Variants in ATP6V1C2 observed in about 807,000 individuals in gnomAD.
ATP6V1C2 encodes ATPase H+ transporting V1 subunit C2, also known as V-type proton ATPase subunit C 2.
In ATP6V1C2, 45 loss-of-function variants were observed where a neutral mutation model predicts 56.8. The observed-to-expected ratio is 0.79, with a 90% CI of 0.62 to 1.02. The LOEUF is 1.02. Among genes scored for constraint, ATP6V1C2 ranks in the 50% least tolerant of loss-of-function variants. ATP6V1C2 has a pLI of 0.00. For missense variants in ATP6V1C2, 463 were observed against 519.7 expected (o/e 0.89, Z 1.06); for synonymous variants, 220 against 201.3 (o/e 1.09, Z -0.79).
At chr2:10,732,579 G>A (rs1281774238) in intron 3 of ATP6V1C2, among the ~76,000 whole-genome samples, 1 of 151,742 alleles carries the variant, frequency 6.6e-6, no homozygotes, top group Non-Finnish European at 1.5e-5. Flanking sequence ...TTTCTTTTTT[G>A]TCTGTTTGCT....
At chr2:10,756,666 C>A (rs537332851) in intron 4 of ATP6V1C2, among the ~76,000 whole-genome samples, 1 of 151,924 alleles carries the variant, frequency 6.6e-6, no homozygotes, top group Non-Finnish European at 1.5e-5. Flanking sequence ...TGCAGTGAGC[C>A]GAGATCGCAC....
rs114154176 is a variant in ATP6V1C2 at position 10,736,295 on chromosome 2, C to T, written c.197+9726C>T. 5.4e-3 allele frequency among the ~76,000 whole-genome samples: 829 copies of T among 152,268 alleles called. 8 individuals carry two copies. Among genetic ancestry groups the T allele is most frequent in the African/African-American group, 0.019 (783 of 41,534 alleles). On this transcript the variant is annotated intron_variant, in intron 3 of 13. Coordinates refer to ENST00000272238, the MANE Select transcript of ATP6V1C2 (RefSeq NM_001039362.2). Reference sequence around the variant, plus strand: ...CATTATGACATGTTTGGACCTGGTACGTTTTTAGTAGTTCTTTAATAATAT... The same window carrying T: ...CATTATGACATGTTTGGACCTGGTATGTTTTTAGTAGTTCTTTAATAATAT...
rs992318529 is a variant in ATP6V1C2 at position 10,730,346 on chromosome 2, C to T, written c.197+3777C>T. 4.9e-4 allele frequency among the ~76,000 whole-genome samples: 75 copies of T among 152,018 alleles called. 1 individual carries two copies. The highest frequency in any genetic ancestry group is 6.0e-4 in the Non-Finnish European group (41 of 67,980). ...GGGCAGGCTGGTCTCGAACTCCTAACCTCAAGTGATCTTCCAGCTTCAGCC... is the reference window on the plus strand; with the variant it reads ...GGGCAGGCTGGTCTCGAACTCCTAATCTCAAGTGATCTTCCAGCTTCAGCC... On this transcript the variant is annotated intron_variant, in intron 3 of 13. Transcript: ENST00000272238.
At chr2:10,725,831 GC>G in intron 2 of ATP6V1C2, among the ~76,000 whole-genome samples, 1 of 151,864 alleles carries the variant, frequency 6.6e-6, no homozygotes, top group Non-Finnish European at 1.5e-5. Context: ...TGTAATTCCA[GC>G]ACTTTGGGAG....
intron 5 of ATP6V1C2, among the ~76,000 whole-genome samples, chr2:10,764,830 G>A (rs906776147): frequency 1.3e-5 from 2 of 152,170 alleles, no homozygotes; most frequent in Non-Finnish European, 2.9e-5. Flanking sequence ...AATTAGCCAG[G>A]CGTGGTGGCG....
chr2:10,742,872 G>A (rs149106830), intron 3 of ATP6V1C2, among the ~76,000 whole-genome samples: 7 of 152,182 alleles, frequency 4.6e-5, no homozygotes, highest in East Asian at 1.9e-4. Context: ...GCCCCTTCTC[G>A]CCTGATCCCC....
intron 11 of ATP6V1C2, 27 bp downstream of exon 11, chr2:10,777,749 G>A: frequency 6.3e-7 from 1 of 1,589,790 alleles, no homozygotes; most frequent in Non-Finnish European, 8.5e-7. Context: ...GAACCCCGGG[G>A]TCCCTGGCTC....
intron 5 of ATP6V1C2, among the ~76,000 whole-genome samples, chr2:10,767,403 T>C (rs1275166440): frequency 6.6e-6 from 1 of 152,132 alleles, no homozygotes; most frequent in Non-Finnish European, 1.5e-5. Context: ...GCTCAGGCAA[T>C]CTGCCCATCT....
chr2:10,754,862 C>G (rs887631627), intron 4 of ATP6V1C2, among the ~76,000 whole-genome samples: 6 of 152,112 alleles, frequency 3.9e-5, no homozygotes, highest in Non-Finnish European at 5.9e-5. Context: ...CAGGCGTGAG[C>G]CACCGCGCCC....
intron 2 of ATP6V1C2, among the ~76,000 whole-genome samples, chr2:10,725,366 G>C (rs1020268382): frequency 6.7e-6 from 1 of 150,082 alleles, no homozygotes; most frequent in Non-Finnish European, 1.5e-5. Context: ...AGTGAGCCGA[G>C]ATCTCAAAAA....
intron 4 of ATP6V1C2, among the ~76,000 whole-genome samples, chr2:10,760,395 G>T (rs1663841044): frequency 1.3e-5 from 2 of 152,082 alleles, no homozygotes; most frequent in Non-Finnish European, 2.9e-5. Flanking sequence ...AGGCCAGAGG[G>T]GTGGCAGAGG....
chr2:10,780,822 C>A lies in ATP6V1C2; in HGVS notation c.1062-1421C>A, dbSNP rs962912333. Among the ~76,000 whole-genome samples the A allele has an allele frequency of 6.6e-6, 1 of 151,680 alleles. No individual in the cohort carries two copies. Among genetic ancestry groups the A allele is most frequent in the South Asian group, 2.1e-4 (1 of 4,816 alleles). ...GCAGTGGCACAATCTCAGCTCACTG[C>A]GACCTCCACCTCCCAGGTTCAAGCA... On this transcript the variant is annotated intron_variant, in intron 12 of 13. Coordinates refer to ENST00000272238, the MANE Select transcript of ATP6V1C2 (RefSeq NM_001039362.2). The surrounding 1 kb of genome is among the most constrained non-coding windows in gnomAD (Gnocchi z 4.1).
intron 8 of ATP6V1C2, 70 bp from the exon 9 acceptor site, chr2:10,774,718 G>A: frequency 2.2e-6 from 3 of 1,390,154 alleles, no homozygotes; most frequent in Admixed American, 3.5e-5. Context: ...ACCAGGCCCG[G>A]GGCCTCTGAG....
At chr2:10,772,486 G>C (rs1014838583) in intron 7 of ATP6V1C2, 56 bp from the exon 8 acceptor site, 2 of 1,462,900 alleles carry the variant, frequency 1.4e-6, no homozygotes, top group African/African-American at 1.4e-5. Flanking sequence ...TAGGCACTCA[G>C]GACACCCACG....
Position 10,745,699 on chromosome 2 carries a change from C to T in ATP6V1C2, c.198-8282C>T, listed in dbSNP as rs192712645. 5.4e-4 allele frequency among the ~76,000 whole-genome samples: 82 copies of T among 152,228 alleles called. 1 individual carries two copies. Among genetic ancestry groups the T allele is most frequent in the African/African-American group, 1.8e-3 (76 of 41,544 alleles). ...AGTACGTTCACACTGCTGTTACAAC[C>T]GTCACCACCCTCCACCCACAGGACT... On this transcript the variant is annotated intron_variant, in intron 3 of 13. Coordinates refer to ENST00000272238, the MANE Select transcript of ATP6V1C2 (RefSeq NM_001039362.2).
intron 8 of ATP6V1C2, among the ~76,000 whole-genome samples, chr2:10,773,688 C>T (rs1276629378): frequency 1.3e-5 from 2 of 152,198 alleles, no homozygotes; most frequent in Admixed American, 1.3e-4. Flanking sequence ...CAGCTTGGTA[C>T]TCATTTTCCT....
intron 12 of ATP6V1C2, among the ~76,000 whole-genome samples, chr2:10,781,440 T>C (rs1665346440): frequency 1.3e-5 from 2 of 151,802 alleles, no homozygotes; most frequent in Non-Finnish European, 2.9e-5. Flanking sequence ...ATCGCACCAT[T>C]GCACTCCAGC....
At chr2:10,764,491 G>A (rs924034559) in intron 5 of ATP6V1C2, 66 bp downstream of exon 5, 2 of 1,404,500 alleles carry the variant, frequency 1.4e-6, no homozygotes, top group South Asian at 2.3e-5. Flanking sequence ...GCCTGGGTAG[G>A]GCCCCCCTGC....
intron 7 of ATP6V1C2, 139 bp from the exon 8 acceptor site, chr2:10,772,403 G>A: frequency 1.3e-6 from 1 of 756,476 alleles, no homozygotes; most frequent in East Asian, 2.5e-5. Context: ...CAGACCTCAG[G>A]GGAGGTGAGG....
Sources: allele counts gnomAD v4.1 joint callset (sites outside exome capture counted in the v4.1 genomes callset), GRCh38; gene constraint gnomAD v4.1.1; non-coding constraint Gnocchi (gnomAD v3.1); transcripts MANE v1.5; gene names NCBI Gene and HGNC (gene_info 2026-07-23, HGNC 2026-07-21).